ZNF677: variants seen among roughly 807,000 people sequenced by gnomAD.
ZNF677 encodes hypothetical protein MGC48625.
Under a neutral mutation model 8.1 loss-of-function variants are expected in ZNF677, and 5 were observed. The observed-to-expected ratio is 0.62, with a 90% confidence interval of 0.32 to 1.29. The LOEUF is 1.29. Ranked by LOEUF, ZNF677 falls within the 50% of genes most tolerant of loss-of-function variation. The probability of loss-of-function intolerance (pLI) is 0.05; values close to 1 mark genes in which losing one functional copy is unlikely to be tolerated. For synonymous variants in ZNF677, 221 were observed against 225.6 expected (o/e 0.98, Z 0.18); for missense variants, 685 against 685.9 (o/e 1.00, Z 0.01).
Position 53,237,810 on chromosome 19 carries a change from A to T in ZNF677, c.917T>A (p.Leu306His), listed in dbSNP as rs759793429. The change falls in exon 5 of 5, where the codon CTC (leucine) becomes CAC (histidine). Residue 306 changes from leucine to histidine, a missense_variant. Physicochemically the swap from Leu to His is moderately conservative, Grantham distance 99. Transcript: ENST00000598513. The part of the protein sequence containing the change: ...CGKAFNQCSN[L>H]TRHQRVHTGE... ...TGTATGGACTCTCTGATGCCTAGTG[A>T]GGTTCGAACACTGGTTAAAGGCTTT... is the stretch of plus-strand genomic sequence containing the variant. 6.2e-7 allele frequency: 1 copy of T among 1,612,942 alleles called. No homozygotes were observed. Among genetic ancestry groups the T allele is most frequent in the South Asian group, 1.1e-5 (1 of 90,914 alleles).
Position 53,236,948 on chromosome 19 carries a change from C to G in ZNF677, c.*24G>C, listed in dbSNP as rs765376360. On this transcript the variant is annotated 3_prime_UTR_variant, in exon 5 of 5. Transcript: ENST00000598513. ...ACCACATTTTCGTTTTATATGGTTTCTTTTCACAATGGAGCCCCTGATGCT... is the reference window on the plus strand; with the variant it reads ...ACCACATTTTCGTTTTATATGGTTTGTTTTCACAATGGAGCCCCTGATGCT... 9 of 1,517,724 alleles carry G rather than the reference C, an allele frequency of 5.9e-6. No individual in the cohort carries two copies. The African/African-American group carries it at 1.1e-4, about 19-fold the overall frequency. 94.0% of individuals were successfully genotyped at this position (1,517,724 alleles called of 1,614,324 possible).
chr19:53,239,579 G>A (rs1261375246), intron 4 of ZNF677: 1 of 151,744 alleles, frequency 6.6e-6, no homozygotes, highest in African/African-American at 2.4e-5. Context: ...ATTTTATTAT[G>A]TAGAGTCAGA....
At chr19:53,239,815 A>G (rs1319548811) in intron 4 of ZNF677, 2 of 152,208 alleles carry the variant, frequency 1.3e-5, no homozygotes, top group Admixed American at 6.5e-5. Flanking sequence ...TACCAAAACA[A>G]AGGGCTGAAG....
chr19:53,247,373 A>G lies in ZNF677; in HGVS notation c.16-3476T>C, dbSNP rs191513213. ...CACATAAAATACACTAACACTAATG[A>G]CAGCTGATGACCTTAAAAAAAAAAA... is the stretch of plus-strand genomic sequence containing the variant. On this transcript the variant is annotated intron_variant, in intron 3 of 4. Coordinates refer to ENST00000598513, the MANE Select transcript of ZNF677 (RefSeq NM_182609.4). 3.0e-3 allele frequency among the ~76,000 whole-genome samples: 433 copies of G among 144,448 alleles called. 5 individuals carry two copies. The highest frequency in any genetic ancestry group is 0.01 in the African/African-American group (419 of 40,058). The allele number at this position is 144,448 out of a possible 152,430, so 94.8% of individuals were successfully genotyped here. A position where few individuals can be genotyped will look rare whatever the true frequency, so the allele number is the denominator to read the frequency against.
intron 1 of ZNF677, chr19:53,254,546 G>A (rs1046679214): frequency 6.6e-6 from 1 of 152,356 alleles, no homozygotes; most frequent in Admixed American, 6.5e-5. Flanking sequence ...GGGAGTCAGA[G>A]AAGAGTTTTA....
chr19:53,241,841 G>A (rs1366185682), intron 4 of ZNF677: 2 of 398,494 alleles, frequency 5.0e-6, no homozygotes, highest in Non-Finnish European at 8.8e-6. Context: ...TTCCATGGGA[G>A]AGTCCACCAA....
Position 53,235,402 on chromosome 19 carries a change from T to A in ZNF677, c.*1570A>T, listed in dbSNP as rs867742862. The stretch of plus-strand genomic sequence containing the variant: ...TTCATTCAGGGTTACTAAAAATGAT[T>A]ATATTTTACTAATTAAGACATAAGA... On this transcript the variant is annotated 3_prime_UTR_variant, in exon 5 of 5. Transcript: ENST00000598513. The A allele has an allele frequency of 6.6e-6, 1 of 152,192 alleles. No individual in the cohort carries two copies. 9.4% of individuals were successfully genotyped at this position (152,192 alleles called of 1,614,324 possible). A position where few individuals can be genotyped will look rare whatever the true frequency, so the allele number is the denominator to read the frequency against.
intron 3 of ZNF677, among the ~76,000 whole-genome samples, chr19:53,249,949 T>C (rs908106710): frequency 6.6e-6 from 1 of 152,202 alleles, no homozygotes; most frequent in African/African-American, 2.4e-5. Flanking sequence ...CTTAGTTCAC[T>C]GCAACCTCTG....
chr19:53,238,704 C>T (rs965270740), intron 4 of ZNF677, 147 bp from the exon 5 acceptor site: 35 of 660,034 alleles, frequency 5.3e-5, no homozygotes, highest in Non-Finnish European at 7.9e-5. Flanking sequence ...TTTAACAACA[C>T]AAAGGGACTA....
At position 53,246,076 on chromosome 19, in the gene ZNF677, C is replaced by T. The variant is rs1348311562; in HGVS notation, c.16-2179G>A. Among the ~76,000 whole-genome samples the T allele has an allele frequency of 2.6e-5, 4 of 151,574 alleles. No homozygotes were observed. The East Asian group carries it at 5.8e-4, about 22-fold the overall frequency. ...GCTCACGCCTGTAATCCCAGCACTT[C>T]AGAAGGCCAAGGCGGATGGATCACA... is the stretch of plus-strand genomic sequence containing the variant. On this transcript the variant is annotated intron_variant, in intron 3 of 4. Transcript: ENST00000598513.
In ZNF677 at chr19:53,245,515, G is replaced by A. The variant is rs565521395; in HGVS notation, c.16-1618C>T. Among the ~76,000 whole-genome samples the A allele has an allele frequency of 7.2e-5, 11 of 152,154 alleles. No individual in the cohort carries two copies. The South Asian group carries it at 2.3e-3, about 32-fold the overall frequency. On this transcript the variant is annotated intron_variant, in intron 3 of 4. Transcript: ENST00000598513. ...AAGAGAATATAAAAATGGCCATTAG[G>A]TACATGAAAAGGTGCTCAATATCAC... is the stretch of plus-strand genomic sequence containing the variant.
At chr19:53,254,249 T>C (rs913038088) in intron 1 of ZNF677, among the ~76,000 whole-genome samples, 59 of 151,732 alleles carry the variant, frequency 3.9e-4, no homozygotes, top group Non-Finnish European at 7.4e-5. Context: ...TCTCTATAAA[T>C]GTTTCTCTTC....
rs2146929482 is a variant in ZNF677, at chr19:53,237,629, T to C, written c.1098A>G (p.Glu366=). The part of the protein sequence containing the change: ...FIQRSHLWGH[E]RIHTGEKPYK... The stretch of plus-strand genomic sequence containing the variant: ...AAGGTTTCTCTCCAGTATGAATTCT[T>C]TCATGACCCCAAAGGTGTGAACGCT... Residue 366 remains glutamate (E), a synonymous_variant, in exon 5 of 5, where the codon GAA becomes GAG. Transcript: ENST00000598513. 1 of 1,610,212 alleles carries C rather than the reference T, an allele frequency of 6.2e-7. No homozygotes were observed. Among genetic ancestry groups the C allele is most frequent in the East Asian group, 2.2e-5 (1 of 44,584 alleles).
At position 53,238,466 on chromosome 19, in the gene ZNF677, T is replaced by TGA; in HGVS notation, c.260_261insTC (p.Glu87AspfsTer29). 1.2e-6 allele frequency: 2 copies of TGA among 1,613,306 alleles called. No homozygotes were observed. ...GGTCAAAATTGTTGATGCCATGGCTTTCCTTTCTTTCTAATATCACCAGAT... is the reference window on the plus strand; with the variant it reads ...GGTCAAAATTGTTGATGCCATGGCTTGATCCTTTCTTTCTAATATCACCAGAT... On this transcript the variant is annotated frameshift_variant, in exon 5 of 5. Coordinates refer to ENST00000598513, the MANE Select transcript of ZNF677 (RefSeq NM_182609.4). LOFTEE classifies it low-confidence loss of function (END_TRUNC).
intron 3 of ZNF677, among the ~76,000 whole-genome samples, chr19:53,244,293 G>A (rs2091102307): frequency 6.6e-6 from 1 of 152,182 alleles, no homozygotes; most frequent in Admixed American, 6.5e-5. Flanking sequence ...CACCTGGGAG[G>A]TGGAGACTGC....
intron 3 of ZNF677, chr19:53,249,307 T>C (rs2091196439): frequency 6.6e-6 from 1 of 152,220 alleles, no homozygotes; most frequent in African/African-American, 2.4e-5. Flanking sequence ...CCAGTAATCA[T>C]GCTTCAAATT....
At chr19:53,240,723 A>C (rs12979242) in intron 4 of ZNF677, 3,859 of 152,286 alleles carry the variant, frequency 0.025, 63 homozygotes, top group Non-Finnish European at 0.039. Context: ...CAGATTTTTT[A>C]GGGCAGTGTA....
At chr19:53,245,247 G>C (rs1314330821) in intron 3 of ZNF677, among the ~76,000 whole-genome samples, 1 of 152,042 alleles carries the variant, frequency 6.6e-6, no homozygotes, top group East Asian at 1.9e-4. Flanking sequence ...AACACCAAAA[G>C]CACAGGCAAG....
intron 4 of ZNF677, chr19:53,240,715 G>C (rs911279047): frequency 3.3e-5 from 5 of 152,240 alleles, no homozygotes; most frequent in African/African-American, 1.2e-4. Context: ...ACAGAGCACA[G>C]ATTTTTTAGG....
Sources: allele counts gnomAD v4.1 joint callset (sites outside exome capture counted in the v4.1 genomes callset), GRCh38; gene constraint gnomAD v4.1.1; transcripts MANE v1.5; gene names NCBI Gene and HGNC (gene_info 2026-07-23, HGNC 2026-07-21).